The following VPS13C variants were observed in gnomAD, a reference collection of about 807,000 sequenced individuals.
VPS13C encodes the protein vacuolar protein sorting 13 homolog C.
Under a neutral mutation model 456.8 loss-of-function variants are expected in VPS13C, and 358 were observed. The observed-to-expected ratio is 0.78, with a 90% confidence interval of 0.72 to 0.86. VPS13C has a LOEUF of 0.86. VPS13C is among the 40% of genes least tolerant of loss of function. VPS13C has a pLI of 0.00. For missense variants in VPS13C, 4,818 were observed against 4,385.4 expected (o/e 1.10, Z -2.79); for synonymous variants, 1,578 against 1,486.7 (o/e 1.06, Z -1.41).
chr15:62,016,008 T>G (rs2047234071), intron 9 of VPS13C, among the ~76,000 whole-genome samples: 1 of 149,114 alleles, frequency 6.7e-6, no homozygotes, highest in East Asian at 2.0e-4. Flanking sequence ...CTGCCTTTCC[T>G]TTGTTTCTTC....
At chr15:62,036,953 C>A (rs1305395130) in intron 3 of VPS13C, among the ~76,000 whole-genome samples, 4 of 149,954 alleles carry the variant, frequency 2.7e-5, no homozygotes, top group African/African-American at 9.8e-5. Context: ...AATATTTTAA[C>A]CTAAGGAGAA....
At chr15:61,981,692 G>C (rs972175482) in intron 21 of VPS13C, among the ~76,000 whole-genome samples, 3 of 151,778 alleles carry the variant, frequency 2.0e-5, no homozygotes, top group Non-Finnish European at 4.4e-5. Flanking sequence ...AACCCCGTCT[G>C]TACTAAAAAT....
At position 61,948,041 on chromosome 15, in the gene VPS13C, T is replaced by C. The variant is rs146584429; in HGVS notation, c.4760-732A>G. Among the ~76,000 whole-genome samples the C allele has an allele frequency of 3.0e-4, 46 of 152,268 alleles. No homozygotes were observed. The East Asian group carries it at 8.1e-3, about 27-fold the overall frequency. On this transcript the variant is annotated intron_variant, in intron 42 of 84. Transcript: ENST00000644861. ...AGGAAATAGAGCCTTCTGATTGAAA[T>C]TGCAAAAGCACGGAAAGTATCTGTC...
chr15:61,901,941 G>A (rs1056400290), intron 66 of VPS13C, among the ~76,000 whole-genome samples: 3 of 152,016 alleles, frequency 2.0e-5, no homozygotes, highest in African/African-American at 4.8e-5. Flanking sequence ...CATAAAAAAT[G>A]ATGAGTTCAT....
At chr15:61,884,379 G>C in intron 67 of VPS13C, 110 bp from the exon 68 acceptor site, 1 of 1,157,306 alleles carries the variant, frequency 8.6e-7, no homozygotes, top group Non-Finnish European at 1.2e-6. Context: ...AATTACATTG[G>C]TATAAGGGAC....
At chr15:61,910,001 T>G (rs2043258082) in intron 64 of VPS13C, among the ~76,000 whole-genome samples, 176 bp downstream of exon 64, 1 of 145,718 alleles carries the variant, frequency 6.9e-6, no homozygotes, top group Non-Finnish European at 1.5e-5. Flanking sequence ...GGGGGAGGAA[T>G]AGCATTAAGA....
Position 61,918,301 on chromosome 15 carries a change from G to C in VPS13C, c.7639-44C>G, listed in dbSNP as rs551855304. On this transcript the variant is annotated intron_variant, in intron 58 of 84. Transcript: ENST00000644861. ...TACAAGTTTTTTAAAAGATATGTAA[G>C]TTCGAAAGAAAAAATGAGAGCCACA... The C allele has an allele frequency of 1.3e-5, 19 of 1,470,996 alleles. No homozygotes were observed. In the South Asian group the frequency reaches 2.1e-4, roughly 16 times the overall value. The allele number at this position is 1,470,996 out of a possible 1,614,324, so 91.1% of individuals were successfully genotyped here.
chr15:61,950,298 G>T, intron 41 of VPS13C, 60 bp downstream of exon 41: 1 of 1,215,994 alleles, frequency 8.2e-7, no homozygotes, highest in Non-Finnish European at 1.2e-6. Flanking sequence ...GTTGAAAATG[G>T]CTATGAAGCT....
At chr15:62,014,261 T>C (rs1008111581) in intron 9 of VPS13C, among the ~76,000 whole-genome samples, 5 of 152,102 alleles carry the variant, frequency 3.3e-5, no homozygotes, top group African/African-American at 1.2e-4. Context: ...GAATCAGGTA[T>C]GAATGAAAAC....
At chr15:61,866,110 T>C (rs1894571836) in intron 81 of VPS13C, 1 of 984,830 alleles carries the variant, frequency 1.0e-6, no homozygotes, top group Admixed American at 6.2e-5. Flanking sequence ...ATAAATATTT[T>C]TACCCAACTA....
At position 61,867,845 on chromosome 15, in the gene VPS13C, G is replaced by T. The variant is rs1894699060; in HGVS notation, c.10863+814C>A. ...AGAAAATTTCATTAAAATTGACAAT[G>T]GAATTCACACACAGTCAATTAACAC... On this transcript the variant is annotated intron_variant, in intron 81 of 84. Transcript: ENST00000644861. The surrounding 1 kb of genome is among the most constrained non-coding windows in gnomAD (Gnocchi z 5.0). 6.4e-7 allele frequency: 1 copy of T among 1,560,880 alleles called. No individual in the cohort carries two copies. The highest frequency in any genetic ancestry group is 1.4e-5 in the African/African-American group (1 of 72,900).
Position 61,867,500 on chromosome 15 carries a change from GA to G in VPS13C, c.10863+1158del. 1 of 988,996 alleles carries G rather than the reference GA, an allele frequency of 1.0e-6. No individual in the cohort carries two copies. The highest frequency in any genetic ancestry group is 1.2e-6 in the Non-Finnish European group (1 of 832,594). The allele number at this position is 988,996 out of a possible 1,614,324, so 61.3% of individuals were successfully genotyped here. On this transcript the variant is annotated intron_variant, in intron 81 of 84. Transcript: ENST00000644861. This position sits in a 1 kb window ranked among gnomAD's most constrained non-coding sequence, Gnocchi z 5.0. ...CAAATTTAGAGCCATTTGTGAAACAGAAAGCTATGTAATTCCATCATCAAGA... is the reference window on the plus strand; with the variant it reads ...CAAATTTAGAGCCATTTGTGAAACAGAAGCTATGTAATTCCATCATCAAGA...
chr15:61,984,953 G>T lies in VPS13C; in HGVS notation c.1625C>A (p.Thr542Lys). The T allele has an allele frequency of 6.2e-7, 1 of 1,606,418 alleles. No individual in the cohort carries two copies. Among genetic ancestry groups the T allele is most frequent in the Non-Finnish European group, 8.5e-7 (1 of 1,177,280 alleles). Residue 542 changes from threonine to lysine, a missense_variant, in exon 19 of 85, where the codon ACG becomes AAG. By Grantham distance (78) the Thr-to-Lys change is moderately conservative. Coordinates refer to ENST00000644861, the MANE Select transcript of VPS13C (RefSeq NM_020821.3). ...TGGAATATTCTTGTTTTCTCTTATC[G>T]TAACAGAGGTGCTTACTAACTTCAG... is the stretch of plus-strand genomic sequence containing the variant. ...MTLKLVSTSV[T>K]IRENKNIPEI...
Position 61,920,271 on chromosome 15 carries a change from T to TA in VPS13C, c.7272dup (p.Thr2425TyrfsTer11). ...GGAACACCTACAGCATTTTTTACCG[T>TA]AAAAGGAGCTCTGTCCTTTAAAGAG... On this transcript the variant is annotated frameshift_variant, in exon 57 of 85. Coordinates refer to ENST00000644861, the MANE Select transcript of VPS13C (RefSeq NM_020821.3). LOFTEE classifies it high-confidence loss of function. 6.2e-7 allele frequency: 1 copy of TA among 1,613,376 alleles called. No individual in the cohort carries two copies. Among genetic ancestry groups the TA allele is most frequent in the Admixed American group, 1.7e-5 (1 of 59,998 alleles).
At chr15:61,982,348 G>A in intron 21 of VPS13C, 111 bp downstream of exon 21, 2 of 763,450 alleles carry the variant, frequency 2.6e-6, no homozygotes, top group South Asian at 4.3e-5. Context: ...TACAGCCTGA[G>A]TTTAAAATAA....
intron 64 of VPS13C, 57 bp downstream of exon 64, chr15:61,910,120 G>C (rs1476030449): frequency 2.0e-6 from 2 of 1,021,958 alleles, no homozygotes; most frequent in African/African-American, 3.4e-5. Flanking sequence ...AGAACTTAAA[G>C]TATAATAAAA....
intron 17 of VPS13C, among the ~76,000 whole-genome samples, 164 bp from the exon 18 acceptor site, chr15:61,991,258 T>C (rs1045867446): frequency 2.0e-5 from 3 of 152,178 alleles, no homozygotes; most frequent in African/African-American, 7.2e-5. Flanking sequence ...ACCAAACATA[T>C]TCTATTTGCT....
chr15:61,950,500 T>C, intron 40 of VPS13C, 83 bp from the exon 41 acceptor site: 1 of 1,071,356 alleles, frequency 9.3e-7, no homozygotes, highest in Non-Finnish European at 1.4e-6. Flanking sequence ...TTTACTTTTC[T>C]AAGTATGCTA....
At chr15:61,871,689 CT>C (rs1895045029) in intron 79 of VPS13C, among the ~76,000 whole-genome samples, 1 of 152,010 alleles carries the variant, frequency 6.6e-6, no homozygotes, top group South Asian at 2.1e-4. Flanking sequence ...AAGCAATGTG[CT>C]TTTTTAATGG....
Sources: gnomAD v4.1 joint callset for allele counts (sites outside exome capture counted in the v4.1 genomes callset) on GRCh38, gnomAD v4.1.1 for gene constraint, Gnocchi (gnomAD v3.1) non-coding constraint, MANE v1.5 for transcripts, NCBI Gene and HGNC (gene_info 2026-07-23, HGNC 2026-07-21) for gene names.